ITGA5: variants seen among roughly 807,000 people sequenced by gnomAD.
ITGA5 encodes the protein integrin alpha-5.
Under a neutral mutation model 146.3 loss-of-function variants are expected in ITGA5, and 55 were observed. The ratio of observed to expected loss-of-function variants is 0.38; its 90% CI spans 0.30 to 0.47. The LOEUF (loss-of-function observed/expected upper bound fraction) is 0.47, where lower values mean the gene tolerates loss of function less well. ITGA5 is among the 20% of genes least tolerant of loss of function. The pLI is 0.99. For missense variants in ITGA5, 1,131 were observed against 1,329.0 expected (o/e 0.85, Z 2.32); for synonymous variants, 500 against 531.8 (o/e 0.94, Z 0.82).
rs75159869 is a variant in ITGA5, at chr12:54,405,341, G to A, written c.1050C>T (p.Leu350=). The change falls in exon 12 of 30, where the codon CTC becomes CTT. Residue 350 remains leucine, a synonymous_variant. Transcript: ENST00000293379. ...LDDLLVGAPL[L]MDRTPDGRPQ... ...GCCGCCCGTCAGGGGTCCGATCCAT[G>A]AGCAGGGGTGCCCCCACCAGCAAGT... 1.4e-5 allele frequency: 23 copies of A among 1,610,936 alleles called. No homozygotes were observed. In the African/African-American group the frequency reaches 2.3e-4, roughly 16 times the overall value.
At chr12:54,400,193 T>G (rs922244109) in intron 25 of ITGA5, 3 of 506,950 alleles carry the variant, frequency 5.9e-6, no homozygotes, top group African/African-American at 5.8e-5. Flanking sequence ...GTTCCTGTTT[T>G]TGCACTGGAT....
At chr12:54,414,530 T>C (rs1347180616) in intron 1 of ITGA5, among the ~76,000 whole-genome samples, 1 of 152,190 alleles carries the variant, frequency 6.6e-6, no homozygotes, top group African/African-American at 2.4e-5. Flanking sequence ...GATTGGCAGC[T>C]ATAGATGTTT....
At chr12:54,399,781 C>T (rs1955763095) in intron 26 of ITGA5, 23 bp from the exon 27 acceptor site, 1 of 1,611,908 alleles carries the variant, frequency 6.2e-7, no homozygotes, top group African/African-American at 1.3e-5. Flanking sequence ...AAGCTTGAAC[C>T]TGGTGTTCTG....
At chr12:54,408,417 G>A (rs1955895598) in intron 6 of ITGA5, among the ~76,000 whole-genome samples, 182 bp from the exon 7 acceptor site, 1 of 152,086 alleles carries the variant, frequency 6.6e-6, no homozygotes, top group African/African-American at 2.4e-5. Flanking sequence ...GAGGCTATGT[G>A]CCAGGGGACT....
rs1441670957 is a variant in ITGA5 at position 54,416,369 on chromosome 12, C to T, written c.218+2612G>A. Among the ~76,000 whole-genome samples the T allele has an allele frequency of 6.6e-6, 1 of 152,218 alleles. No individual in the cohort carries two copies. Among genetic ancestry groups the T allele is most frequent in the African/African-American group, 2.4e-5 (1 of 41,456 alleles). ...ACAGGCGTGAGCCACTGCACCTGGC[C>T]AGCCTCAGTTTTTGTATATCTAAAA... On this transcript the variant is annotated intron_variant, in intron 1 of 29. Coordinates refer to ENST00000293379, the MANE Select transcript of ITGA5 (RefSeq NM_002205.5). The surrounding 1 kb of genome is among the most constrained non-coding windows in gnomAD (Gnocchi z 4.1).
At position 54,396,175 on chromosome 12, in the gene ITGA5, G is replaced by A; in HGVS notation, c.*118C>T. On this transcript the variant is annotated 3_prime_UTR_variant, in exon 30 of 30. Coordinates refer to ENST00000293379, the MANE Select transcript of ITGA5 (RefSeq NM_002205.5). ...CCTTCAAGTATGTCTCTGGGCTGGGGAGAGGAGCTTCTCCCTGGCCGTCAG... is the reference window on the plus strand; with the variant it reads ...CCTTCAAGTATGTCTCTGGGCTGGGAAGAGGAGCTTCTCCCTGGCCGTCAG... 1.3e-6 allele frequency: 1 copy of A among 767,244 alleles called. No homozygotes were observed. Among genetic ancestry groups the A allele is most frequent in the Non-Finnish European group, 2.2e-6 (1 of 452,952 alleles). The allele number at this position is 767,244 out of a possible 1,614,324, so 47.5% of individuals were successfully genotyped here. A position where few individuals can be genotyped will look rare whatever the true frequency, so the allele number is the denominator to read the frequency against.
Position 54,402,167 on chromosome 12 carries a change from A to G in ITGA5, c.2133+13T>C, listed in dbSNP as rs375612207. On this transcript the variant is annotated intron_variant, in intron 20 of 29. Coordinates refer to ENST00000293379, the MANE Select transcript of ITGA5 (RefSeq NM_002205.5). ...GGTATCCTCCCAAATCCCACTCGAG[A>G]GTCTCATCTCACCCCTGGGTGTCTG... 3.1e-6 allele frequency: 5 copies of G among 1,613,194 alleles called. No individual in the cohort carries two copies. The highest frequency in any genetic ancestry group is 4.2e-6 in the Non-Finnish European group (5 of 1,179,306).
At chr12:54,411,087 C>T (rs1955938525) in intron 2 of ITGA5, among the ~76,000 whole-genome samples, 1 of 152,174 alleles carries the variant, frequency 6.6e-6, no homozygotes. Flanking sequence ...GTCTTGAACT[C>T]CTGGGACCAA....
chr12:54,402,898 G>A, intron 19 of ITGA5, 85 bp downstream of exon 19: 1 of 1,088,198 alleles, frequency 9.2e-7, no homozygotes. Context: ...ACTTCCCAAG[G>A]CGACACAGCT....
At chr12:54,399,578 G>C in intron 27 of ITGA5, 67 bp downstream of exon 27, 1 of 1,125,984 alleles carries the variant, frequency 8.9e-7, no homozygotes, top group Non-Finnish European at 1.4e-6. Context: ...CTGCAGTGGA[G>C]AAAGGGGTGG....
In ITGA5 at chr12:54,396,517, A is replaced by T. The variant is rs183023999; in HGVS notation, c.3067-141T>A. 267 of 673,694 alleles carry T rather than the reference A, an allele frequency of 4.0e-4. 7 individuals carry two copies. In the East Asian group the frequency reaches 6.7e-3, roughly 17 times the overall value. The allele number at this position is 673,694 out of a possible 1,614,324, so 41.7% of individuals were successfully genotyped here. A position where few individuals can be genotyped will look rare whatever the true frequency, so the allele number is the denominator to read the frequency against. On this transcript the variant is annotated intron_variant, in intron 29 of 29. Coordinates refer to ENST00000293379, the MANE Select transcript of ITGA5 (RefSeq NM_002205.5). ...AAGTGGCCTCTGAATTCAGGCTAGG[A>T]CTACCCCTCTAAGTTGTGCAATGGA...
At position 54,416,649 on chromosome 12, in the gene ITGA5, G is replaced by A. The variant is rs1956011089; in HGVS notation, c.218+2332C>T. On this transcript the variant is annotated intron_variant, in intron 1 of 29. Transcript: ENST00000293379. This position sits in a 1 kb window ranked among gnomAD's most constrained non-coding sequence, Gnocchi z 4.1. ...ACTCTCTGTGGACCAGGTTCCTTTT[G>A]TATATGTTTTCTCATTTAGTCCTCA... Among the ~76,000 whole-genome samples, 1 of 152,222 alleles carries A rather than the reference G, an allele frequency of 6.6e-6. No individual in the cohort carries two copies. Among genetic ancestry groups the A allele is most frequent in the Non-Finnish European group, 1.5e-5 (1 of 68,048 alleles).
At chr12:54,412,881 G>C (rs919411603) in intron 1 of ITGA5, among the ~76,000 whole-genome samples, 1 of 152,132 alleles carries the variant, frequency 6.6e-6, no homozygotes, top group African/African-American at 2.4e-5. Context: ...GCCAGGACTT[G>C]TATCTGGCAG....
chr12:54,411,888 A>G lies in ITGA5; in HGVS notation c.295T>C (p.Cys99Arg). Residue 99 changes from cysteine to arginine, a missense_variant, in exon 2 of 30, where the codon TGT (cysteine) becomes CGT (arginine). Physicochemically the swap from Cys to Arg is radical, Grantham distance 180 (BLOSUM62 -3). This residue lies in a region of ITGA5 where 175 missense variants were observed against 179.3 expected (regional missense o/e 0.98). Coordinates refer to ENST00000293379, the MANE Select transcript of ITGA5 (RefSeq NM_002205.5). Reference sequence around the variant, plus strand: ...TGTGTGGGGCTGGCACCCCAAGGACAGAGGTAGACAGCACCACCCTGCAGC... The same window carrying G: ...TGTGTGGGGCTGGCACCCCAAGGACGGAGGTAGACAGCACCACCCTGCAGC... ...GVLQGGAVYLCPWGASPTQCT... is the reference protein window; with the variant it reads ...GVLQGGAVYLRPWGASPTQCT... 1 of 1,600,202 alleles carries G rather than the reference A, an allele frequency of 6.2e-7. No individual in the cohort carries two copies. Among genetic ancestry groups the G allele is most frequent in the East Asian group, 2.3e-5 (1 of 43,116 alleles).
chr12:54,409,656 G>A lies in ITGA5; in HGVS notation c.350-59C>T. The A allele has an allele frequency of 8.6e-7, 1 of 1,161,122 alleles. No homozygotes were observed. The highest frequency in any genetic ancestry group is 1.3e-6 in the Non-Finnish European group (1 of 799,396). The allele number at this position is 1,161,122 out of a possible 1,614,324, so 71.9% of individuals were successfully genotyped here. ...CCATGGACATTTGAGCTCTAGGGCA[G>A]CCCCTACCCTCAGCCTGGGGATACC... On this transcript the variant is annotated intron_variant, in intron 2 of 29. Transcript: ENST00000293379. This position sits in a 1 kb window ranked among gnomAD's most constrained non-coding sequence, Gnocchi z 4.7.
At chr12:54,411,652 TG>T (rs1217296529) in intron 2 of ITGA5, among the ~76,000 whole-genome samples, 181 bp downstream of exon 2, 1 of 152,116 alleles carries the variant, frequency 6.6e-6, no homozygotes, top group African/African-American at 2.4e-5. Flanking sequence ...CTGGGCTGGA[TG>T]GGAGAGTGGA....
In ITGA5 at chr12:54,404,862, T is replaced by G. The variant is rs1231427923; in HGVS notation, c.1258A>C (p.Thr420Pro). ...AATACAAACACTACTCCCTGCTGGGTCTCCCCACCAAAGGGAGCCCCGATG... is the reference window on the plus strand; with the variant it reads ...AATACAAACACTACTCCCTGCTGGGGCTCCCCACCAAAGGGAGCCCCGATG... ...VAIGAPFGGETQQGVVFVFPG... is the reference protein window; with the variant it reads ...VAIGAPFGGEPQQGVVFVFPG... Residue 420 changes from threonine (T) to proline (P), a missense_variant, in exon 13 of 30, where the codon ACC becomes CCC. Coordinates refer to ENST00000293379, the MANE Select transcript of ITGA5 (RefSeq NM_002205.5). 1.3e-6 allele frequency: 2 copies of G among 1,599,018 alleles called. No individual in the cohort carries two copies. Among genetic ancestry groups the G allele is most frequent in the Middle Eastern group, 1.7e-4 (1 of 5,978 alleles).
intron 11 of ITGA5, 32 bp from the exon 12 acceptor site, chr12:54,405,406 T>C: frequency 1.3e-6 from 2 of 1,525,366 alleles, no homozygotes; most frequent in Non-Finnish European, 1.8e-6. Flanking sequence ...GGCATCTCGA[T>C]ACCCTGTCTT....
rs930422480 is a variant in ITGA5, at chr12:54,395,793, G to A, written c.*500C>T. 6.3e-6 allele frequency: 1 copy of A among 158,618 alleles called. No homozygotes were observed. The highest frequency in any genetic ancestry group is 2.4e-5 in the African/African-American group (1 of 41,474). 9.8% of individuals were successfully genotyped at this position (158,618 alleles called of 1,614,324 possible). A position where few individuals can be genotyped will look rare whatever the true frequency, so the allele number is the denominator to read the frequency against. ...GCACCATGCATAGTTAGTGTTCTTT[G>A]TTGGCCCACCAGGGTGGGGCTGTCC... On this transcript the variant is annotated 3_prime_UTR_variant, in exon 30 of 30. Coordinates refer to ENST00000293379, the MANE Select transcript of ITGA5 (RefSeq NM_002205.5).
Sources: allele counts gnomAD v4.1 joint callset (sites outside exome capture counted in the v4.1 genomes callset), GRCh38; gene constraint gnomAD v4.1.1; regional missense constraint gnomAD v4.1.1; non-coding constraint Gnocchi (gnomAD v3.1); transcripts MANE v1.5; gene names NCBI Gene and HGNC (gene_info 2026-07-23, HGNC 2026-07-21).